MVB12B: variants seen among roughly 807,000 people sequenced by gnomAD.
MVB12B encodes the protein multivesicular body subunit 12B.
MVB12B carries 16 observed loss-of-function variants against 41.6 expected under a neutral mutation model. The observed-to-expected ratio is 0.38, with a 90% CI of 0.26 to 0.58. MVB12B has a LOEUF of 0.58. Among genes scored for constraint, MVB12B ranks in the 20% least tolerant of loss-of-function variants. The probability of loss-of-function intolerance (pLI) is 0.62; values close to 1 mark genes in which losing one functional copy is unlikely to be tolerated. For missense variants in MVB12B, 274 were observed against 380.2 expected, an observed-to-expected ratio of 0.72 and a Z score of 2.32; for synonymous variants, 133 against 139.7, an observed-to-expected ratio of 0.95 and a Z score of 0.34.
At chr9:126,490,931 A>T (rs1833718466) in intron 9 of MVB12B, among the ~76,000 whole-genome samples, 1 of 152,240 alleles carries the variant, frequency 6.6e-6, no homozygotes, top group Admixed American at 6.5e-5. Context: ...CACTGGTTCC[A>T]GCAATTAGGC....
intron 1 of MVB12B, among the ~76,000 whole-genome samples, chr9:126,336,413 A>T (rs376099515): frequency 9.2e-5 from 14 of 152,358 alleles, no homozygotes; most frequent in African/African-American, 3.4e-4. Flanking sequence ...GGGATTAAAC[A>T]CACTGTTGTA....
intron 7 of MVB12B, among the ~76,000 whole-genome samples, chr9:126,424,877 C>T (rs1468780421): frequency 3.3e-5 from 5 of 152,184 alleles, no homozygotes; most frequent in East Asian, 3.8e-4. Context: ...AAGATTTATC[C>T]ACAAGGATAA....
intron 7 of MVB12B, among the ~76,000 whole-genome samples, chr9:126,464,500 T>C (rs1833159471): frequency 6.6e-6 from 1 of 152,164 alleles, no homozygotes; most frequent in Non-Finnish European, 1.5e-5. Flanking sequence ...TTAGGAGACA[T>C]TGAAGTTTTT....
intron 9 of MVB12B, among the ~76,000 whole-genome samples, chr9:126,493,313 C>T (rs561563740): frequency 1.9e-4 from 29 of 152,170 alleles, no homozygotes; most frequent in South Asian, 4.2e-4. Flanking sequence ...TTAATGTTGG[C>T]GATCTTTCTT....
intron 8 of MVB12B, among the ~76,000 whole-genome samples, chr9:126,481,707 G>T (rs996987357): frequency 6.6e-6 from 1 of 152,190 alleles, no homozygotes; most frequent in African/African-American, 2.4e-5. Context: ...ACAGCTGGGG[G>T]ATGGGAAAGT....
At chr9:126,403,645 A>C (rs1831330813) in intron 6 of MVB12B, among the ~76,000 whole-genome samples, 1 of 152,200 alleles carries the variant, frequency 6.6e-6, no homozygotes, top group Non-Finnish European at 1.5e-5. Context: ...ATATTGCATC[A>C]CCGTTCATCA....
At chr9:126,481,692 AAAC>A (rs1833525238) in intron 8 of MVB12B, among the ~76,000 whole-genome samples, 2 of 152,184 alleles carry the variant, frequency 1.3e-5, no homozygotes, top group Non-Finnish European at 2.9e-5. Flanking sequence ...GAAATGAAGA[AAAC>A]AACAGCTGGG....
intron 6 of MVB12B, among the ~76,000 whole-genome samples, chr9:126,420,371 T>C (rs958231355): frequency 1.6e-4 from 24 of 152,206 alleles, no homozygotes; most frequent in African/African-American, 5.3e-4. Context: ...GAGCGTACAG[T>C]TGGTGCTTGA....
At chr9:126,355,455 A>T (rs1467903763) in intron 2 of MVB12B, among the ~76,000 whole-genome samples, 5 of 152,232 alleles carry the variant, frequency 3.3e-5, no homozygotes, top group African/African-American at 9.6e-5. Flanking sequence ...AAGTCATACC[A>T]CTAACAGCAA....
intron 7 of MVB12B, among the ~76,000 whole-genome samples, chr9:126,461,826 G>A (rs1170136804): frequency 7.0e-6 from 1 of 143,732 alleles, no homozygotes; most frequent in Non-Finnish European, 1.5e-5. Context: ...TGGCTGGCCA[G>A]CGCTGGGAGG....
chr9:126,451,774 T>C (rs1450647830), intron 7 of MVB12B, among the ~76,000 whole-genome samples: 1 of 152,154 alleles, frequency 6.6e-6, no homozygotes, highest in African/African-American at 2.4e-5. Context: ...TATTTATCTT[T>C]CTGATTTAGC....
At chr9:126,354,195 C>T (rs1285799038) in intron 2 of MVB12B, among the ~76,000 whole-genome samples, 1 of 152,074 alleles carries the variant, frequency 6.6e-6, no homozygotes, top group Non-Finnish European at 1.5e-5. Context: ...TTCTAGGCTT[C>T]CCTTATATAT....
At chr9:126,496,142 A>G (rs1345572874) in intron 9 of MVB12B, among the ~76,000 whole-genome samples, 1 of 151,848 alleles carries the variant, frequency 6.6e-6, no homozygotes, top group African/African-American at 2.4e-5. Flanking sequence ...GCATTGAGCT[A>G]TGCCCAGAGC....
chr9:126,348,948 GGCC>G (rs1829671235), intron 2 of MVB12B, among the ~76,000 whole-genome samples: 1 of 152,012 alleles, frequency 6.6e-6, no homozygotes, highest in Non-Finnish European at 1.5e-5. Context: ...TATATGATGT[GGCC>G]AATAAATGAG....
At chr9:126,433,111 C>T (rs1447491662) in intron 7 of MVB12B, among the ~76,000 whole-genome samples, 1 of 152,052 alleles carries the variant, frequency 6.6e-6, no homozygotes, top group African/African-American at 2.4e-5. Context: ...TGACCTTGGG[C>T]AAGGAACTGA....
At chr9:126,422,577 G>A (rs1466065998) in intron 7 of MVB12B, among the ~76,000 whole-genome samples, 1 of 152,146 alleles carries the variant, frequency 6.6e-6, no homozygotes, top group African/African-American at 2.4e-5. Context: ...TAAGAGCCGA[G>A]GAAACCCACA....
At chr9:126,382,924 T>A (rs538289040) in intron 3 of MVB12B, among the ~76,000 whole-genome samples, 1 of 152,102 alleles carries the variant, frequency 6.6e-6, no homozygotes, top group Admixed American at 6.5e-5. Context: ...TAAAAAGATA[T>A]TTATTGGGCA....
intron 1 of MVB12B, among the ~76,000 whole-genome samples, chr9:126,338,449 G>A (rs967062651): frequency 1.3e-5 from 2 of 152,184 alleles, no homozygotes; most frequent in African/African-American, 2.4e-5. Flanking sequence ...GTGACCAGGG[G>A]ATGTGGCAAT....
chr9:126,481,134 C>A, intron 7 of MVB12B: 1 of 559,122 alleles, frequency 1.8e-6, no homozygotes, highest in East Asian at 3.1e-5. Flanking sequence ...CTTGTCTACA[C>A]AACTGCCTGG....
Sources: gnomAD v4.1 joint callset for allele counts (sites outside exome capture counted in the v4.1 genomes callset) on GRCh38, gnomAD v4.1.1 for gene constraint, MANE v1.5 for transcripts, NCBI Gene and HGNC (gene_info 2026-07-23, HGNC 2026-07-21) for gene names.